JAZF1: variants seen among roughly 807,000 people sequenced by gnomAD.
JAZF1 encodes the protein juxtaposed with another zinc finger protein 1.
Under a neutral mutation model 26.4 loss-of-function variants are expected in JAZF1, and 8 were observed. The observed-to-expected ratio is 0.30, with a 90% confidence interval of 0.18 to 0.55. The LOEUF (loss-of-function observed/expected upper bound fraction) is 0.55. Among genes scored for constraint, JAZF1 ranks in the 20% least tolerant of loss-of-function variants. The pLI, the probability that JAZF1 is intolerant of heterozygous loss-of-function variation, is 0.94. For synonymous variants in JAZF1, 126 were observed against 122.3 expected (o/e 1.03, Z -0.20); for missense variants, 199 against 322.0 (o/e 0.62, Z 2.92).
At chr7:28,101,137 T>C (rs1190060888) in intron 1 of JAZF1, among the ~76,000 whole-genome samples, 1 of 152,184 alleles carries the variant, frequency 6.6e-6, no homozygotes, top group Non-Finnish European at 1.5e-5. Flanking sequence ...CAGATAACAA[T>C]AGAGGCATTG....
intron 3 of JAZF1, among the ~76,000 whole-genome samples, chr7:27,857,741 C>T (rs1042887653): frequency 6.6e-6 from 1 of 152,208 alleles, no homozygotes; most frequent in Admixed American, 6.5e-5. Context: ...CGGATCATCT[C>T]TCAAAATAAT....
intron 2 of JAZF1, among the ~76,000 whole-genome samples, chr7:27,937,448 A>T (rs2128351388): frequency 6.6e-6 from 1 of 152,332 alleles, no homozygotes; most frequent in South Asian, 2.1e-4. Context: ...GGCGGTTGCC[A>T]TTAGTATTGT....
intron 1 of JAZF1, among the ~76,000 whole-genome samples, chr7:28,135,532 T>C (rs1282833544): frequency 6.6e-6 from 1 of 152,230 alleles, no homozygotes; most frequent in Non-Finnish European, 1.5e-5. Flanking sequence ...AAAATAACTT[T>C]ACTTAGGACT....
At chr7:27,934,438 C>CA (rs1224887231) in intron 2 of JAZF1, among the ~76,000 whole-genome samples, 1 of 151,262 alleles carries the variant, frequency 6.6e-6, no homozygotes, top group Non-Finnish European at 1.5e-5. Context: ...GGTTGAAAAC[C>CA]AGTGAGGATT....
chr7:27,985,803 TC>T (rs1222478559), intron 2 of JAZF1, among the ~76,000 whole-genome samples: 1 of 152,012 alleles, frequency 6.6e-6, no homozygotes, highest in African/African-American at 2.4e-5. Flanking sequence ...TTCAACATAC[TC>T]AAATCAATAA....
chr7:27,955,164 C>G (rs1484255672), intron 2 of JAZF1, among the ~76,000 whole-genome samples: 2 of 152,128 alleles, frequency 1.3e-5, no homozygotes, highest in Non-Finnish European at 1.5e-5. Context: ...GTATATTAGT[C>G]TTTTACATGT....
chr7:28,063,546 A>G (rs562006150), intron 1 of JAZF1, among the ~76,000 whole-genome samples: 1 of 152,346 alleles, frequency 6.6e-6, no homozygotes, highest in South Asian at 2.1e-4. Context: ...ACACTTCTTA[A>G]GTGTATAACC....
chr7:27,868,368 C>CCGCAA (rs1225210784), intron 3 of JAZF1, among the ~76,000 whole-genome samples: 1 of 152,226 alleles, frequency 6.6e-6, no homozygotes, highest in African/African-American at 2.4e-5. Context: ...CCGGTCCTCA[C>CCGCAA]CGCAACTCCC....
Position 28,170,337 on chromosome 7 carries a change from A to ATGTGTGTG in JAZF1, c.115+10118_115+10125dup, listed in dbSNP as rs61200785. On this transcript the variant is annotated intron_variant, in intron 1 of 4. Coordinates refer to ENST00000283928, the MANE Select transcript of JAZF1 (RefSeq NM_175061.4). ...AATCTGAAGTAAAAGAGAAGTTGAT[A>ATGTGTGTG]TGTGTGTGTGTGTGTGTGTGTGTGT... Among the ~76,000 whole-genome samples the ATGTGTGTG allele has an allele frequency of 2.7e-3, 264 of 98,464 alleles. 3 individuals are homozygous for ATGTGTGTG. The highest frequency in any genetic ancestry group is 4.8e-3 in the Non-Finnish European group (201 of 42,146). The allele number at this position is 98,464 out of a possible 152,430, so 64.6% of individuals were successfully genotyped here. A position where few individuals can be genotyped will look rare whatever the true frequency, so the allele number is the denominator to read the frequency against.
At chr7:28,068,748 C>A (rs1292055249) in intron 1 of JAZF1, among the ~76,000 whole-genome samples, 2 of 152,114 alleles carry the variant, frequency 1.3e-5, no homozygotes, top group Non-Finnish European at 2.9e-5. Context: ...AGACACGAGT[C>A]ACTGGTAAAC....
At chr7:27,845,715 GAAAAGA>G (rs1385168324) in intron 3 of JAZF1, among the ~76,000 whole-genome samples, 8 of 109,670 alleles carry the variant, frequency 7.3e-5, no homozygotes, top group African/African-American at 2.7e-4. Context: ...AAAAAAAAAA[GAAAAGA>G]AAAAGAAAAA....
chr7:28,129,290 T>A (rs908988662), intron 1 of JAZF1, among the ~76,000 whole-genome samples: 6 of 152,114 alleles, frequency 3.9e-5, no homozygotes, highest in African/African-American at 1.4e-4. Context: ...AAAAAGAGCC[T>A]AGAAAATACT....
intron 4 of JAZF1, among the ~76,000 whole-genome samples, chr7:27,839,393 A>C (rs1013901149): frequency 6.6e-6 from 1 of 152,192 alleles, no homozygotes; most frequent in Non-Finnish European, 1.5e-5. Context: ...AGAAAGAAGG[A>C]AAAAGTCTCT....
chr7:27,987,122 T>G, intron 2 of JAZF1, among the ~76,000 whole-genome samples: 1 of 150,630 alleles, frequency 6.6e-6, no homozygotes, highest in African/African-American at 2.5e-5. Flanking sequence ...ACCCATCGTC[T>G]GGGATGTGAG....
chr7:28,145,485 T>G (rs1280864025), intron 1 of JAZF1, among the ~76,000 whole-genome samples: 1 of 152,230 alleles, frequency 6.6e-6, no homozygotes, highest in South Asian at 2.1e-4. Context: ...ACATGAAGCA[T>G]TTTTAAATAT....
chr7:27,850,647 T>A lies in JAZF1; in HGVS notation c.386-9780A>T, dbSNP rs1227302572. Among the ~76,000 whole-genome samples the A allele has an allele frequency of 5.9e-5, 9 of 152,314 alleles. No individual in the cohort carries two copies. In the East Asian group the frequency reaches 1.7e-3, roughly 29 times the overall value. Reference sequence around the variant, plus strand: ...GAAGGAGGACCCAAGATAACACAGCTTCAACTCTTGACTCCCTCTAATCTT... The same window carrying A: ...GAAGGAGGACCCAAGATAACACAGCATCAACTCTTGACTCCCTCTAATCTT... On this transcript the variant is annotated intron_variant, in intron 3 of 4. Transcript: ENST00000283928.
chr7:27,854,351 G>A (rs907077715), intron 3 of JAZF1, among the ~76,000 whole-genome samples: 2 of 152,176 alleles, frequency 1.3e-5, no homozygotes, highest in South Asian at 4.1e-4. Flanking sequence ...TTTAATTGGG[G>A]CATTCAGCCT....
intron 3 of JAZF1, among the ~76,000 whole-genome samples, chr7:27,881,269 C>G (rs1783765730): frequency 6.6e-6 from 1 of 152,158 alleles, no homozygotes. Context: ...GAACCAACTC[C>G]AGTCAAGATC....
chr7:27,898,304 T>TATATATATATATATATATATACAC lies in JAZF1; in HGVS notation c.189-2889_189-2888insGTGTATATATATATATATATATAT, dbSNP rs375859244. 3.6e-4 allele frequency among the ~76,000 whole-genome samples: 47 copies of TATATATATATATATATATATACAC among 128,916 alleles called. 1 individual carries two copies. Among genetic ancestry groups the TATATATATATATATATATATACAC allele is most frequent in the Non-Finnish European group, 5.2e-4 (33 of 63,942 alleles). 84.6% of individuals were successfully genotyped at this position (128,916 alleles called of 152,430 possible). Reference sequence around the variant, plus strand: ...TCTAACTCATATATATATATATATATACATCGGTTTTTTTTTTTTTTTTTT... The same window carrying TATATATATATATATATATATACAC: ...TCTAACTCATATATATATATATATATATATATATATATATATATATACACACATCGGTTTTTTTTTTTTTTTTTT... On this transcript the variant is annotated intron_variant, in intron 2 of 4. Transcript: ENST00000283928.
Sources: gnomAD v4.1 joint callset for allele counts (sites outside exome capture counted in the v4.1 genomes callset) on GRCh38, gnomAD v4.1.1 for gene constraint, MANE v1.5 for transcripts, NCBI Gene and HGNC (gene_info 2026-07-23, HGNC 2026-07-21) for gene names.